The following MED27 variants were observed in gnomAD, a reference collection of about 807,000 sequenced individuals.
MED27 encodes mediator of RNA polymerase II transcription subunit 27.
In MED27, 30 loss-of-function variants were observed where a neutral mutation model predicts 38.2. That is an observed-to-expected ratio of 0.79 (90% CI 0.59 to 1.07). MED27 has a LOEUF of 1.07. Among genes scored for constraint, MED27 ranks in the 50% least tolerant of loss-of-function variants. The pLI is 0.00. For missense variants in MED27, 289 were observed against 397.5 expected (o/e 0.73, Z 2.32); for synonymous variants, 122 against 153.5 (o/e 0.79, Z 1.52).
At chr9:131,928,702 C>T (rs1830525883) in intron 4 of MED27, among the ~76,000 whole-genome samples, 1 of 152,210 alleles carries the variant, frequency 6.6e-6, no homozygotes, top group South Asian at 2.1e-4. Flanking sequence ...AATCACCCAC[C>T]CCAGTGTGGG....
At chr9:132,000,445 A>G (rs572652928) in intron 3 of MED27, among the ~76,000 whole-genome samples, 2 of 152,300 alleles carry the variant, frequency 1.3e-5, no homozygotes, top group South Asian at 2.1e-4. Context: ...CAACTTGGCA[A>G]TATCTTTAAA....
intron 4 of MED27, among the ~76,000 whole-genome samples, chr9:131,928,781 A>G (rs1173533218): frequency 6.6e-6 from 1 of 152,238 alleles, no homozygotes; most frequent in Non-Finnish European, 1.5e-5. Context: ...TAAACTTGAA[A>G]GGCAGTCTAG....
At chr9:132,073,563 T>G (rs1589305357) in intron 2 of MED27, 1 of 1,379,350 alleles carries the variant, frequency 7.2e-7, no homozygotes, top group African/African-American at 1.5e-5. Flanking sequence ...TCCAACCCTG[T>G]TAGTTCCATG....
At chr9:131,958,279 C>G (rs1443587070) in intron 3 of MED27, among the ~76,000 whole-genome samples, 2 of 149,164 alleles carry the variant, frequency 1.3e-5, no homozygotes, top group African/African-American at 2.5e-5. Context: ...GAGTCTTGCT[C>G]TGTTGCCCAG....
chr9:131,895,908 T>G (rs1829824825), intron 4 of MED27, among the ~76,000 whole-genome samples: 1 of 151,938 alleles, frequency 6.6e-6, no homozygotes, highest in Admixed American at 6.5e-5. Context: ...ATAGTTGTTT[T>G]TTTTTTTTGA....
At chr9:132,017,635 C>T (rs1272881877) in intron 2 of MED27, among the ~76,000 whole-genome samples, 3 of 152,090 alleles carry the variant, frequency 2.0e-5, no homozygotes, top group Non-Finnish European at 2.9e-5. Context: ...GGGGAAGGTT[C>T]GTGATTTACT....
chr9:131,932,370 A>T (rs1830605906), intron 4 of MED27, among the ~76,000 whole-genome samples: 1 of 92,522 alleles, frequency 1.1e-5, no homozygotes, highest in Admixed American at 1.2e-4. Context: ...ACCTTTAGCC[A>T]GACTAATTAG....
chr9:132,023,395 C>T (rs1832756976), intron 2 of MED27, among the ~76,000 whole-genome samples: 2 of 152,264 alleles, frequency 1.3e-5, no homozygotes, highest in South Asian at 2.1e-4. Flanking sequence ...TAAACTTCTT[C>T]TTTTATGGGT....
In MED27 at chr9:131,882,613, A is replaced by G. The variant is rs759164703; in HGVS notation, c.723+1445T>C. The stretch of plus-strand genomic sequence containing the variant: ...GGTTTCTCACTGAATTAAGGATAAA[A>G]TCCGAATTCTGCACCAGGGCCTAGA... On this transcript the variant is annotated intron_variant, in intron 6 of 7. Transcript: ENST00000292035. Among the ~76,000 whole-genome samples, 22 of 152,112 alleles carry G rather than the reference A, an allele frequency of 1.4e-4. No individual in the cohort carries two copies. In the South Asian group the frequency reaches 1.7e-3, roughly 11 times the overall value.
At chr9:131,944,907 T>A (rs1024391558) in intron 3 of MED27, among the ~76,000 whole-genome samples, 1 of 152,018 alleles carries the variant, frequency 6.6e-6, no homozygotes, top group African/African-American at 2.4e-5. Context: ...TACAACATTT[T>A]ATATACAATC....
At chr9:132,010,853 G>T (rs950108331) in intron 3 of MED27, among the ~76,000 whole-genome samples, 1 of 152,058 alleles carries the variant, frequency 6.6e-6, no homozygotes, top group Non-Finnish European at 1.5e-5. Context: ...GGACACAGGA[G>T]GGGGAACATC....
At chr9:131,928,742 C>T (rs893200902) in intron 4 of MED27, among the ~76,000 whole-genome samples, 13 of 152,230 alleles carry the variant, frequency 8.5e-5, no homozygotes, top group Admixed American at 1.3e-4. Flanking sequence ...GCCTTGCCAG[C>T]GTGTGCTAAA....
At chr9:131,925,916 G>C (rs546206322) in intron 4 of MED27, among the ~76,000 whole-genome samples, 6 of 152,376 alleles carry the variant, frequency 3.9e-5, no homozygotes, top group Admixed American at 1.3e-4. Context: ...AGTGATGACA[G>C]TGTGTCATGA....
intron 2 of MED27, among the ~76,000 whole-genome samples, chr9:132,024,377 T>G (rs1174190320): frequency 6.6e-6 from 1 of 152,192 alleles, no homozygotes; most frequent in African/African-American, 2.4e-5. Flanking sequence ...TGCAAAAGCC[T>G]TAAGCACAGT....
At chr9:132,077,367 T>A in intron 2 of MED27, 75 bp downstream of exon 2, 5 of 1,399,238 alleles carry the variant, frequency 3.6e-6, no homozygotes, top group Non-Finnish European at 5.0e-6. Flanking sequence ...AAACATACTC[T>A]TGCTTTCTGC....
At chr9:131,993,030 G>A (rs9411425) in intron 3 of MED27, among the ~76,000 whole-genome samples, 54 of 151,972 alleles carry the variant, frequency 3.6e-4, no homozygotes, top group Middle Eastern at 6.8e-3. Flanking sequence ...GACCCGGGGT[G>A]CAAGCCCAAG....
At chr9:132,043,101 T>A (rs1200756598) in intron 2 of MED27, among the ~76,000 whole-genome samples, 1 of 152,058 alleles carries the variant, frequency 6.6e-6, no homozygotes, top group Non-Finnish European at 1.5e-5. Flanking sequence ...TCTATATAGT[T>A]AAAACCAATA....
chr9:131,950,664 C>T (rs553933989), intron 3 of MED27, among the ~76,000 whole-genome samples: 1 of 152,310 alleles, frequency 6.6e-6, no homozygotes, highest in South Asian at 2.1e-4. Flanking sequence ...CAGAAACAGT[C>T]AACACATCTG....
chr9:131,961,529 T>C (rs1831214041), intron 3 of MED27, among the ~76,000 whole-genome samples: 1 of 152,252 alleles, frequency 6.6e-6, no homozygotes, highest in Admixed American at 6.5e-5. Context: ...CTTTTCATCA[T>C]CTTCATGAAG....
Sources: allele counts gnomAD v4.1 joint callset (sites outside exome capture counted in the v4.1 genomes callset), GRCh38; gene constraint gnomAD v4.1.1; transcripts MANE v1.5; gene names NCBI Gene and HGNC (gene_info 2026-07-23, HGNC 2026-07-21).